The following VPS13A variants were observed in gnomAD, a reference collection of about 807,000 sequenced individuals.
VPS13A encodes the protein intermembrane lipid transfer protein VPS13A.
A neutral mutation model predicts 390.9 loss-of-function variants in VPS13A; 264 were observed. The observed-to-expected ratio is 0.68, with a 90% CI of 0.61 to 0.75. The LOEUF (loss-of-function observed/expected upper bound fraction) is 0.75, where lower values mean the gene tolerates loss of function less well. VPS13A is among the 30% of genes least tolerant of loss of function. The pLI, the probability that VPS13A is intolerant of heterozygous loss-of-function variation, is 0.00. For synonymous variants in VPS13A, 1,231 were observed against 1,227.1 expected (o/e 1.00, Z -0.07); for missense variants, 3,409 against 3,733.9 (o/e 0.91, Z 2.27).
intron 10 of VPS13A, 135 bp downstream of exon 10, chr9:77,214,521 C>T: frequency 1.7e-6 from 1 of 602,570 alleles, no homozygotes; most frequent in African/African-American, 1.9e-5. Context: ...AATGTATATA[C>T]AAAAGCAAAT....
In VPS13A at chr9:77,403,330, C is replaced by A; in HGVS notation, c.9275+9C>A. On this transcript the variant is annotated intron_variant, in intron 69 of 71. Transcript: ENST00000360280. ...CTAATGATAACCAGACGGTAACTTGCTTTCTTTCTCTTACGTAATTTTATA... is the reference window on the plus strand; with the variant it reads ...CTAATGATAACCAGACGGTAACTTGATTTCTTTCTCTTACGTAATTTTATA... 1 of 1,601,260 alleles carries A rather than the reference C, an allele frequency of 6.2e-7. No individual in the cohort carries two copies. Among genetic ancestry groups the A allele is most frequent in the East Asian group, 2.2e-5 (1 of 44,740 alleles).
chr9:77,318,777 A>G (rs1350985807), intron 41 of VPS13A, among the ~76,000 whole-genome samples, 186 bp downstream of exon 41: 2 of 152,184 alleles, frequency 1.3e-5, no homozygotes, highest in Non-Finnish European at 2.9e-5. Context: ...GCTTTTATGT[A>G]TACATTCCTT....
chr9:77,201,512 A>G (rs565212468), intron 3 of VPS13A, 105 bp downstream of exon 3: 91 of 1,015,886 alleles, frequency 9.0e-5, no homozygotes, highest in Non-Finnish European at 1.3e-4. Flanking sequence ...CTGAGCATCA[A>G]TTAAAAATAA....
intron 12 of VPS13A, 135 bp downstream of exon 12, chr9:77,220,518 A>G (rs1823148795): frequency 3.0e-6 from 2 of 662,606 alleles, no homozygotes; most frequent in African/African-American, 3.6e-5. Context: ...TTATAGCTAG[A>G]AATATATGTA....
intron 54 of VPS13A, 22 bp downstream of exon 54, chr9:77,353,663 A>AT: frequency 6.4e-7 from 1 of 1,560,912 alleles, no homozygotes; most frequent in South Asian, 1.1e-5. Context: ...TAAATTTTGG[A>AT]TACATTTAAA....
chr9:77,272,583 A>T (rs752607355), intron 23 of VPS13A, among the ~76,000 whole-genome samples: 2 of 152,222 alleles, frequency 1.3e-5, no homozygotes, highest in African/African-American at 2.4e-5. Context: ...AGGAAAATGT[A>T]TGTCATATAT....
rs1299293315 is a variant in VPS13A at position 77,269,182 on chromosome 9, T to C, written c.2428-4098T>C. 2.6e-5 allele frequency among the ~76,000 whole-genome samples: 4 copies of C among 152,292 alleles called. No homozygotes were observed. The South Asian group carries it at 6.2e-4, about 24-fold the overall frequency. On this transcript the variant is annotated intron_variant, in intron 23 of 71. Coordinates refer to ENST00000360280, the MANE Select transcript of VPS13A (RefSeq NM_033305.3). ...GTCAAGAAGATTTTTCCCTATGTTT[T>C]TTTCTAGAAATTTTTTAGAGTTAGG...
At chr9:77,283,749 G>T in intron 31 of VPS13A, 99 bp downstream of exon 31, 4 of 1,008,790 alleles carry the variant, frequency 4.0e-6, no homozygotes, top group South Asian at 3.0e-5. Context: ...GAATTTAGTA[G>T]TATGGCTTAT....
At chr9:77,244,290 C>T (rs1824679334) in intron 19 of VPS13A, among the ~76,000 whole-genome samples, 1 of 152,064 alleles carries the variant, frequency 6.6e-6, no homozygotes, top group African/African-American at 2.4e-5. Flanking sequence ...AGAACTGAGA[C>T]AGCGTTCCCT....
intron 59 of VPS13A, among the ~76,000 whole-genome samples, chr9:77,363,140 A>G (rs1258056410): frequency 6.6e-6 from 1 of 152,142 alleles, no homozygotes; most frequent in Non-Finnish European, 1.5e-5. Context: ...TTGGTGACAC[A>G]TTAAACAGAA....
chr9:77,293,120 T>C (rs1189767392), intron 31 of VPS13A, among the ~76,000 whole-genome samples: 1 of 152,152 alleles, frequency 6.6e-6, no homozygotes, highest in Non-Finnish European at 1.5e-5. Context: ...TACCTTGATT[T>C]TATGACCCAC....
At chr9:77,237,441 T>A (rs1457089383) in intron 17 of VPS13A, among the ~76,000 whole-genome samples, 3 of 151,164 alleles carry the variant, frequency 2.0e-5, no homozygotes, top group Non-Finnish European at 3.0e-5. Flanking sequence ...CTCGGCTCAC[T>A]GCAACCTCCA....
chr9:77,285,283 A>G (rs1827265068), intron 31 of VPS13A, among the ~76,000 whole-genome samples: 1 of 152,196 alleles, frequency 6.6e-6, no homozygotes, highest in Admixed American at 6.5e-5. Flanking sequence ...TTATTGTGCC[A>G]GTTTTAAGTG....
At chr9:77,318,615 T>A in intron 41 of VPS13A, 24 bp downstream of exon 41, 1 of 1,524,084 alleles carries the variant, frequency 6.6e-7, no homozygotes, top group Non-Finnish European at 9.1e-7. Context: ...TCCAGTTTTA[T>A]AACAGATAAT....
chr9:77,363,408 T>A (rs529471044), intron 59 of VPS13A, among the ~76,000 whole-genome samples: 7 of 145,154 alleles, frequency 4.8e-5, no homozygotes, highest in East Asian at 2.0e-4. Flanking sequence ...TTTTTTATTT[T>A]TTTTTTTTTT....
intron 13 of VPS13A, among the ~76,000 whole-genome samples, chr9:77,223,475 T>C (rs186424008): frequency 6.6e-6 from 1 of 152,258 alleles, no homozygotes; most frequent in African/African-American, 2.4e-5. Flanking sequence ...TTGAAAGTGC[T>C]ATTCCAGGGA....
Position 77,357,806 on chromosome 9 carries a change from T to TGCA in VPS13A, c.7921_7922insGCA (p.Ser2641delinsCysThr), listed in dbSNP as rs1831901659. On this transcript the variant is annotated protein_altering_variant, in exon 56 of 72. Coordinates refer to ENST00000360280, the MANE Select transcript of VPS13A (RefSeq NM_033305.3). ...GGAATATAACACATCTGCACATCAA[T>TGCA]CATCATTTAGAATTCAGATTTACAG... 4 of 1,613,524 alleles carry TGCA rather than the reference T, an allele frequency of 2.5e-6. No individual in the cohort carries two copies. Among genetic ancestry groups the TGCA allele is most frequent in the African/African-American group, 2.7e-5 (2 of 74,810 alleles).
chr9:77,332,167 T>C (rs1830310575), intron 46 of VPS13A, 54 bp downstream of exon 46: 2 of 1,403,928 alleles, frequency 1.4e-6, no homozygotes, highest in Admixed American at 3.4e-5. Context: ...GAATTTTTAG[T>C]TTCTGATTTC....
At chr9:77,393,979 G>T (rs1012732273) in intron 68 of VPS13A, among the ~76,000 whole-genome samples, 1 of 152,034 alleles carries the variant, frequency 6.6e-6, no homozygotes, top group Non-Finnish European at 1.5e-5. Context: ...TGTTGGCCAG[G>T]CTGGGGACGA....
Sources: allele counts gnomAD v4.1 joint callset (sites outside exome capture counted in the v4.1 genomes callset), GRCh38; gene constraint gnomAD v4.1.1; transcripts MANE v1.5; gene names NCBI Gene and HGNC (gene_info 2026-07-23, HGNC 2026-07-21).